ANO6: variants seen among roughly 807,000 people sequenced by gnomAD.
The protein encoded by ANO6 is anoctamin-6.
ANO6 carries 106 observed loss-of-function variants against 117.5 expected under a neutral mutation model. The ratio of observed to expected loss-of-function variants is 0.90; its 90% CI spans 0.77 to 1.06. The LOEUF (loss-of-function observed/expected upper bound fraction) is 1.06, where lower values mean the gene tolerates loss of function less well. ANO6 is among the 50% of genes least tolerant of loss of function. The probability of loss-of-function intolerance (pLI) is 0.00; values close to 1 mark genes in which losing one functional copy is unlikely to be tolerated. For missense variants in ANO6, 955 were observed against 1,121.1 expected (o/e 0.85, Z 2.12); for synonymous variants, 367 against 385.1 (o/e 0.95, Z 0.55).
intron 2 of ANO6, among the ~76,000 whole-genome samples, chr12:45,314,225 T>C (rs1939940464): frequency 1.3e-5 from 2 of 151,966 alleles, no homozygotes; most frequent in African/African-American, 2.4e-5. Flanking sequence ...AAGCTCCACT[T>C]TCATGTGCTT....
At position 45,340,317 on chromosome 12, in the gene ANO6, A is replaced by G. The variant is rs540058236; in HGVS notation, c.280-6705A>G. Among the ~76,000 whole-genome samples the G allele has an allele frequency of 2.9e-3, 446 of 152,248 alleles. 2 individuals carry two copies. The highest frequency in any genetic ancestry group is 5.1e-3 in the Non-Finnish European group (348 of 67,988). ...TCCTTTTTCACCTTGAACCTCCAGT[A>G]CCATTCTCCACCATCAGTAATAGAA... is the stretch of plus-strand genomic sequence containing the variant. On this transcript the variant is annotated intron_variant, in intron 3 of 19. Coordinates refer to ENST00000320560, the MANE Select transcript of ANO6 (RefSeq NM_001025356.3).
chr12:45,324,924 C>T (rs999402497), intron 2 of ANO6, among the ~76,000 whole-genome samples: 1 of 152,146 alleles, frequency 6.6e-6, no homozygotes, highest in Non-Finnish European at 1.5e-5. Flanking sequence ...ACACAGGTGA[C>T]TTAGAAAAGG....
At chr12:45,359,941 T>TA (rs913047135) in intron 8 of ANO6, among the ~76,000 whole-genome samples, 13 of 152,120 alleles carry the variant, frequency 8.5e-5, no homozygotes, top group African/African-American at 2.9e-4. Flanking sequence ...CATCAGCACT[T>TA]AAAAAAAATT....
In ANO6 at chr12:45,346,648, G is replaced by A. The variant is rs566271138; in HGVS notation, c.280-374G>A. ...CTGGAATCTTCAACTCTGAAAACTC[G>A]TATCAGTGAATAGGACTCAGAAAGC... On this transcript the variant is annotated intron_variant, in intron 3 of 19. Coordinates refer to ENST00000320560, the MANE Select transcript of ANO6 (RefSeq NM_001025356.3). 6.7e-5 allele frequency among the ~76,000 whole-genome samples: 10 copies of A among 149,202 alleles called. 1 individual carries two copies. Among genetic ancestry groups the A allele is most frequent in the South Asian group, 4.2e-4 (2 of 4,816 alleles).
intron 1 of ANO6, among the ~76,000 whole-genome samples, chr12:45,280,480 G>A (rs1938691111): frequency 6.6e-6 from 1 of 152,184 alleles, no homozygotes; most frequent in African/African-American, 2.4e-5. Flanking sequence ...CATCAGGCAA[G>A]GTGTAGGAAT....
At chr12:45,223,807 G>A (rs1469608571) in intron 1 of ANO6, among the ~76,000 whole-genome samples, 1 of 152,136 alleles carries the variant, frequency 6.6e-6, no homozygotes, top group Non-Finnish European at 1.5e-5. Context: ...TAAGCTCCCT[G>A]AAGACTGGTA....
chr12:45,294,673 C>T (rs1191092528), intron 1 of ANO6, among the ~76,000 whole-genome samples: 1 of 152,162 alleles, frequency 6.6e-6, no homozygotes, highest in Admixed American at 6.5e-5. Flanking sequence ...GAGACTGATC[C>T]ATCCAGATTC....
In ANO6 at chr12:45,403,150, C is replaced by G. The variant is rs762936712; in HGVS notation, c.1691C>G (p.Ser564Cys). Residue 564 changes from serine to cysteine, a missense_variant, in exon 14 of 20, where the codon TCT becomes TGT. By Grantham distance (112) the Ser-to-Cys change is moderately radical (BLOSUM62 -1). Transcript: ENST00000320560. ...TTATTCCAGTTTGTCAACTACTACTCTTCATGCTTCTACATAGCATTCTTT... is the reference window on the plus strand; with the variant it reads ...TTATTCCAGTTTGTCAACTACTACTGTTCATGCTTCTACATAGCATTCTTT... ...MFLFQFVNYY[S>C]SCFYIAFFKG... 6.2e-7 allele frequency: 1 copy of G among 1,613,962 alleles called. No homozygotes were observed. The highest frequency in any genetic ancestry group is 1.1e-5 in the South Asian group (1 of 91,074).
intron 1 of ANO6, among the ~76,000 whole-genome samples, chr12:45,287,475 C>T (rs1249667037): frequency 6.6e-6 from 1 of 152,174 alleles, no homozygotes; most frequent in Admixed American, 6.5e-5. Context: ...AAGGACTTAG[C>T]TATAGAATAG....
At chr12:45,248,073 A>C (rs576557707) in intron 1 of ANO6, among the ~76,000 whole-genome samples, 1 of 152,210 alleles carries the variant, frequency 6.6e-6, no homozygotes, top group Non-Finnish European at 1.5e-5. Context: ...ACCACAGATA[A>C]AAGACTGACT....
chr12:45,385,341 G>T (rs1034941106), intron 10 of ANO6, among the ~76,000 whole-genome samples: 1 of 152,182 alleles, frequency 6.6e-6, no homozygotes, highest in Non-Finnish European at 1.5e-5. Context: ...ATTACAGAGT[G>T]GGAGACAGAG....
intron 2 of ANO6, among the ~76,000 whole-genome samples, chr12:45,317,805 A>C (rs1166150598): frequency 6.6e-6 from 1 of 152,124 alleles, no homozygotes; most frequent in Non-Finnish European, 1.5e-5. Context: ...CTTTTTAATG[A>C]TCGCCATTCT....
At chr12:45,317,136 T>TATATA (rs1940070455) in intron 2 of ANO6, among the ~76,000 whole-genome samples, 6 of 108,958 alleles carry the variant, frequency 5.5e-5, no homozygotes, top group Non-Finnish European at 8.6e-5. Context: ...TATATATTTA[T>TATATA]TATACTTTAA....
chr12:45,226,670 G>T (rs1296452340), intron 1 of ANO6, among the ~76,000 whole-genome samples: 2 of 151,938 alleles, frequency 1.3e-5, no homozygotes, highest in Non-Finnish European at 2.9e-5. Context: ...CTTTGGCTTT[G>T]CACAAACAAA....
chr12:45,232,690 A>G (rs74870113), intron 1 of ANO6, among the ~76,000 whole-genome samples: 3,364 of 152,244 alleles, frequency 0.022, 46 homozygotes, highest in Middle Eastern at 0.034. Context: ...TTTTGTTTAT[A>G]ATGATTTCTA....
chr12:45,217,758 G>T (rs189027687), intron 1 of ANO6, among the ~76,000 whole-genome samples: 242 of 152,326 alleles, frequency 1.6e-3, no homozygotes, highest in Middle Eastern at 6.8e-3. Flanking sequence ...GCAAGATTAA[G>T]TAGTACCTGA....
At position 45,429,997 on chromosome 12, in the gene ANO6, C is replaced by T. The variant is rs1943595908; in HGVS notation, c.*686C>T. On this transcript the variant is annotated 3_prime_UTR_variant, in exon 20 of 20. Coordinates refer to ENST00000320560, the MANE Select transcript of ANO6 (RefSeq NM_001025356.3). Reference sequence around the variant, plus strand: ...AATCCACAGTGACACTTTTTATCTTCCAGGAGCACTCCTAGGAGGTTCCGT... The same window carrying T: ...AATCCACAGTGACACTTTTTATCTTTCAGGAGCACTCCTAGGAGGTTCCGT... 1.0e-6 allele frequency: 1 copy of T among 986,234 alleles called. No homozygotes were observed. The highest frequency in any genetic ancestry group is 5.2e-4 in the Middle Eastern group (1 of 1,914). 61.1% of individuals were successfully genotyped at this position (986,234 alleles called of 1,614,324 possible).
intron 3 of ANO6, among the ~76,000 whole-genome samples, chr12:45,344,150 G>A (rs1941063136): frequency 6.6e-6 from 1 of 152,158 alleles, no homozygotes; most frequent in Non-Finnish European, 1.5e-5. Flanking sequence ...TTCTGTATCA[G>A]GAGAAAGTCT....
At chr12:45,217,715 C>A (rs957370855) in intron 1 of ANO6, among the ~76,000 whole-genome samples, 2 of 152,182 alleles carry the variant, frequency 1.3e-5, no homozygotes, top group Non-Finnish European at 2.9e-5. Flanking sequence ...AATGCTCTTA[C>A]CACTGGGTCA....
Sources: allele counts gnomAD v4.1 joint callset (sites outside exome capture counted in the v4.1 genomes callset), GRCh38; gene constraint gnomAD v4.1.1; transcripts MANE v1.5; gene names NCBI Gene and HGNC (gene_info 2026-07-23, HGNC 2026-07-21).